Variants in CLSTN2 observed in about 807,000 individuals in gnomAD.
The protein encoded by CLSTN2 is calsyntenin 2.
In CLSTN2, 48 loss-of-function variants were observed where a neutral mutation model predicts 101.2. The ratio of observed to expected loss-of-function variants is 0.47; its 90% CI spans 0.38 to 0.60. The LOEUF is 0.60. Ranked by LOEUF, CLSTN2 falls within the 20% of genes least tolerant of loss-of-function variation. The pLI is 0.00. For missense variants in CLSTN2, 1,160 were observed against 1,238.2 expected, an observed-to-expected ratio of 0.94 and a Z score of 0.95; for synonymous variants, 481 against 463.6, an observed-to-expected ratio of 1.04 and a Z score of -0.48.
At chr3:140,500,404 A>G (rs1334612195) in intron 8 of CLSTN2, among the ~76,000 whole-genome samples, 1 of 152,214 alleles carries the variant, frequency 6.6e-6, no homozygotes, top group Non-Finnish European at 1.5e-5. Flanking sequence ...AAACTTTCTG[A>G]TATGAGCAAT....
chr3:140,396,182 T>A (rs956866368), intron 2 of CLSTN2, among the ~76,000 whole-genome samples: 9 of 151,982 alleles, frequency 5.9e-5, no homozygotes, highest in Non-Finnish European at 1.3e-4. Context: ...GCAAAAACAG[T>A]CAAACAAAAC....
rs561992360 is a variant in CLSTN2 at position 140,474,661 on chromosome 3, C to T, written c.1344+7930C>T. 2.0e-5 allele frequency among the ~76,000 whole-genome samples: 3 copies of T among 152,280 alleles called. No individual in the cohort carries two copies. In the South Asian group the frequency reaches 6.2e-4, roughly 32 times the overall value. ...ACAAAGTTGATATGAGAATTAGATTCTCTAGACCATACCTGCCTTTCCCCT... is the reference window on the plus strand; with the variant it reads ...ACAAAGTTGATATGAGAATTAGATTTTCTAGACCATACCTGCCTTTCCCCT... On this transcript the variant is annotated intron_variant, in intron 8 of 16. Coordinates refer to ENST00000458420, the MANE Select transcript of CLSTN2 (RefSeq NM_022131.3).
intron 2 of CLSTN2, among the ~76,000 whole-genome samples, chr3:140,382,799 A>G (rs2088001248): frequency 6.6e-6 from 1 of 152,176 alleles, no homozygotes; most frequent in Non-Finnish European, 1.5e-5. Flanking sequence ...CTCACATGGC[A>G]GAAGTGGCAA....
intron 6 of CLSTN2, among the ~76,000 whole-genome samples, chr3:140,451,414 G>A (rs569832270): frequency 6.6e-6 from 1 of 152,298 alleles, no homozygotes; most frequent in East Asian, 1.9e-4. Context: ...CCCAAGGTGT[G>A]GACTTATTTG....
intron 2 of CLSTN2, among the ~76,000 whole-genome samples, chr3:140,263,512 C>T (rs988982157): frequency 6.6e-6 from 1 of 152,124 alleles, no homozygotes; most frequent in African/African-American, 2.4e-5. Context: ...AAGCTTTGGG[C>T]AATGAAGTCT....
chr3:140,147,232 G>T (rs7612507), intron 1 of CLSTN2, among the ~76,000 whole-genome samples: 8,660 of 152,240 alleles, frequency 0.057, 846 homozygotes, highest in African/African-American at 0.2. Context: ...ATCAGGAAGA[G>T]CATCCCAGTG....
chr3:139,966,860 A>G (rs1354741679), intron 1 of CLSTN2, among the ~76,000 whole-genome samples: 2 of 152,126 alleles, frequency 1.3e-5, no homozygotes, highest in African/African-American at 2.4e-5. Context: ...CTGAGGTCCT[A>G]TGCTGATGAC....
chr3:140,247,943 T>C (rs924603794), intron 2 of CLSTN2, among the ~76,000 whole-genome samples: 3 of 152,202 alleles, frequency 2.0e-5, no homozygotes, highest in Non-Finnish European at 2.9e-5. Context: ...AATTGGTTTG[T>C]GGTTGGGCCA....
At position 140,205,675 on chromosome 3, in the gene CLSTN2, T is replaced by C. The variant is rs192864244; in HGVS notation, c.232+29602T>C. Among the ~76,000 whole-genome samples the C allele has an allele frequency of 3.0e-5, 4 of 133,906 alleles. No individual in the cohort carries two copies. In the Admixed American group the frequency reaches 3.4e-4, roughly 11 times the overall value. 87.8% of individuals were successfully genotyped at this position (133,906 alleles called of 152,430 possible). ...CTATGCATGTTCACAATTACAGGTCTTGTATAGTTAATGAGCTCATCAGTC... is the reference window on the plus strand; with the variant it reads ...CTATGCATGTTCACAATTACAGGTCCTGTATAGTTAATGAGCTCATCAGTC... On this transcript the variant is annotated intron_variant, in intron 2 of 16. Coordinates refer to ENST00000458420, the MANE Select transcript of CLSTN2 (RefSeq NM_022131.3).
chr3:140,193,069 C>T (rs1012615300), intron 2 of CLSTN2, among the ~76,000 whole-genome samples: 1 of 151,628 alleles, frequency 6.6e-6, no homozygotes, highest in Non-Finnish European at 1.5e-5. Context: ...CTTCTTCCTT[C>T]TCTGTTTGTA....
chr3:140,162,002 C>T (rs558823330), intron 1 of CLSTN2, among the ~76,000 whole-genome samples: 1 of 152,188 alleles, frequency 6.6e-6, no homozygotes, highest in Admixed American at 6.5e-5. Flanking sequence ...CTTAAAACAA[C>T]TGTTGACAAG....
At chr3:140,472,625 GTGCCCTGCC>G (rs1933876503) in intron 8 of CLSTN2, among the ~76,000 whole-genome samples, 1 of 152,216 alleles carries the variant, frequency 6.6e-6, no homozygotes, top group African/African-American at 2.4e-5. Context: ...ATCCCTGCCT[GTGCCCTGCC>G]CTCATTAAGA....
chr3:140,135,539 T>C (rs2009603781), intron 1 of CLSTN2, among the ~76,000 whole-genome samples: 1 of 152,196 alleles, frequency 6.6e-6, no homozygotes, highest in African/African-American at 2.4e-5. Flanking sequence ...ACTAAACTTC[T>C]AGGAATGTCA....
In CLSTN2 at chr3:140,142,446, G is replaced by A. The variant is rs183942340; in HGVS notation, c.110-33505G>A. ...AGGCTTCGCACCACAGCTGTGAGGGGGTAGATTGTCCATGGCAAATGCTGA... is the reference window on the plus strand; with the variant it reads ...AGGCTTCGCACCACAGCTGTGAGGGAGTAGATTGTCCATGGCAAATGCTGA... On this transcript the variant is annotated intron_variant, in intron 1 of 16. Transcript: ENST00000458420. Among the ~76,000 whole-genome samples, 806 of 152,278 alleles carry A rather than the reference G, an allele frequency of 5.3e-3. 7 individuals are homozygous for A. Among genetic ancestry groups the A allele is most frequent in the Non-Finnish European group, 6.2e-3 (425 of 68,028 alleles).
chr3:140,384,554 G>C (rs1396293693), intron 2 of CLSTN2, among the ~76,000 whole-genome samples: 1 of 152,026 alleles, frequency 6.6e-6, no homozygotes, highest in South Asian at 2.1e-4. Flanking sequence ...GGTGCCCAGG[G>C]GTCGCCTGGT....
intron 2 of CLSTN2, among the ~76,000 whole-genome samples, chr3:140,281,759 A>G (rs1224872045): frequency 4.3e-5 from 1 of 23,024 alleles, no homozygotes; most frequent in South Asian, 1.3e-3. Flanking sequence ...TGTCAGAGAG[A>G]GAGCGAGAGA....
intron 2 of CLSTN2, among the ~76,000 whole-genome samples, chr3:140,213,258 G>A (rs572173017): frequency 8.6e-5 from 13 of 152,046 alleles, no homozygotes; most frequent in South Asian, 2.1e-4. Context: ...TGTGTGTGTC[G>A]TTTGTGGTGT....
rs144494214 is a variant in CLSTN2, at chr3:140,026,665, C to T, written c.109+91182C>T. 2.0e-4 allele frequency among the ~76,000 whole-genome samples: 30 copies of T among 152,340 alleles called. No individual in the cohort carries two copies. The East Asian group carries it at 5.0e-3, about 25-fold the overall frequency. On this transcript the variant is annotated intron_variant, in intron 1 of 16. Transcript: ENST00000458420. ...TCAGATGGCAAGGTGACCTTCCAGGCTGAATGGCTGACTGAGTGTGATATC... is the reference window on the plus strand; with the variant it reads ...TCAGATGGCAAGGTGACCTTCCAGGTTGAATGGCTGACTGAGTGTGATATC...
At chr3:140,138,646 A>G (rs989069092) in intron 1 of CLSTN2, among the ~76,000 whole-genome samples, 4 of 151,916 alleles carry the variant, frequency 2.6e-5, no homozygotes, top group Non-Finnish European at 4.4e-5. Context: ...GCACATGGAC[A>G]CTCCCTTACT....
Sources: allele counts gnomAD v4.1 joint callset (sites outside exome capture counted in the v4.1 genomes callset), GRCh38; gene constraint gnomAD v4.1.1; transcripts MANE v1.5; gene names NCBI Gene and HGNC (gene_info 2026-07-23, HGNC 2026-07-21).